Variants in CHD8 observed in about 807,000 individuals in gnomAD.
The protein encoded by CHD8 is ATP-dependent chromatin remodeler CHD8.
Under a neutral mutation model 279.2 loss-of-function variants are expected in CHD8, and 31 were observed. The observed-to-expected ratio is 0.11, with a 90% confidence interval of 0.08 to 0.15. The LOEUF (loss-of-function observed/expected upper bound fraction) is 0.15, where lower values mean the gene tolerates loss of function less well. CHD8 is among the 10% of genes least tolerant of loss of function. CHD8 has a pLI of 1.00. For missense variants in CHD8, 2,146 were observed against 3,230.5 expected, an observed-to-expected ratio of 0.66 and a Z score of 8.14; for synonymous variants, 1,081 against 1,139.6, an observed-to-expected ratio of 0.95 and a Z score of 1.04.
intron 26 of CHD8, chr14:21,398,575 A>T (rs1422212103): frequency 6.6e-6 from 1 of 152,418 alleles, no homozygotes; most frequent in Non-Finnish European, 1.5e-5. Context: ...AAAAAGATGT[A>T]GATTAAGTGC....
intron 5 of CHD8, among the ~76,000 whole-genome samples, chr14:21,424,045 C>T (rs1006231058): frequency 1.3e-5 from 2 of 152,044 alleles, no homozygotes; most frequent in Non-Finnish European, 2.9e-5. Context: ...ATCAAGTGTA[C>T]CAATATTTTC....
chr14:21,414,530 G>A, intron 8 of CHD8, 112 bp from the exon 9 acceptor site: 1 of 641,548 alleles, frequency 1.6e-6, no homozygotes. Context: ...GGCTTAAATT[G>A]GGAGACAGTC....
chr14:21,397,402 C>A (rs761416585), intron 27 of CHD8: 2 of 516,092 alleles, frequency 3.9e-6, no homozygotes, highest in Non-Finnish European at 7.8e-6. Flanking sequence ...ATCATTGGGA[C>A]ATGTTTTCAG....
At position 21,397,854 on chromosome 14, in the gene CHD8, C is replaced by T; in HGVS notation, c.5020G>A (p.Val1674Met). The change falls in exon 27 of 38, where the codon GTG (valine) becomes ATG (methionine). Residue 1674 changes from valine to methionine, a missense_variant. Physicochemically the swap from Val to Met is conservative, Grantham distance 21. Transcript: ENST00000646647. ...ACTATGTCAGAGAAGTTATCCAACA[C>T]TCGATGTTCTGCTGCAATTGCTTTG... is the stretch of plus-strand genomic sequence containing the variant. The part of the protein sequence containing the change: ...DDKAIAAEHR[V>M]LDNFSDIVEG... 2.5e-6 allele frequency: 4 copies of T among 1,613,630 alleles called. No homozygotes were observed. The highest frequency in any genetic ancestry group is 3.4e-6 in the Non-Finnish European group (4 of 1,179,724).
chr14:21,406,739 A>T, intron 14 of CHD8, 117 bp downstream of exon 14: 1 of 862,562 alleles, frequency 1.2e-6, no homozygotes, highest in East Asian at 2.7e-5. Context: ...GGTCATCCCC[A>T]CTGTTCAATA....
At chr14:21,445,688 CAA>C (rs747923350) in intron 1 of CHD8, among the ~76,000 whole-genome samples, 2 of 17,256 alleles carry the variant, frequency 1.2e-4, no homozygotes, top group African/African-American at 1.9e-4. Context: ...GATTCGGTCT[CAA>C]AAAAAAAAAA....
intron 37 of CHD8, among the ~76,000 whole-genome samples, chr14:21,389,779 A>G (rs1404035887): frequency 6.6e-6 from 1 of 152,226 alleles, no homozygotes; most frequent in Non-Finnish European, 1.5e-5. Context: ...TTGAAAATAT[A>G]GAATAACTTA....
At chr14:21,392,984 A>AAC in intron 33 of CHD8, 122 bp downstream of exon 33, 2 of 1,262,698 alleles carry the variant, frequency 1.6e-6, no homozygotes, top group Non-Finnish European at 2.2e-6. Context: ...GAAAAAAAAA[A>AAC]AAAAACTTGC....
intron 5 of CHD8, among the ~76,000 whole-genome samples, chr14:21,416,911 G>A (rs936110030): frequency 3.3e-5 from 5 of 152,074 alleles, no homozygotes; most frequent in Non-Finnish European, 7.4e-5. Context: ...TTTGAGACCA[G>A]CCTGGTCAAC....
chr14:21,437,189 T>G, intron 1 of CHD8: 13 of 1,179,670 alleles, frequency 1.1e-5, no homozygotes, highest in Non-Finnish European at 1.3e-5. Context: ...GAGAGGTGGC[T>G]TTACCTGCAG....
intron 1 of CHD8, among the ~76,000 whole-genome samples, chr14:21,447,617 T>C (rs910440943): frequency 3.3e-5 from 5 of 151,978 alleles, no homozygotes; most frequent in African/African-American, 1.2e-4. Flanking sequence ...GGTGATCAAC[T>C]CGCCTCAGCC....
intron 10 of CHD8, among the ~76,000 whole-genome samples, chr14:21,411,894 T>C (rs1170495916): frequency 6.6e-6 from 1 of 151,918 alleles, no homozygotes; most frequent in Non-Finnish European, 1.5e-5. Flanking sequence ...TGAAACCCTG[T>C]CTGTACTAGA....
At position 21,408,383 on chromosome 14, in the gene CHD8, T is replaced by C; in HGVS notation, c.2659A>G (p.Ile887Val). ...CTGGCCAGACTGCCATGGTACACAA[T>C]AGTGTTCATTTCTGTCCATGTATTA... ...EFNTWTEMNT[I>V]VYHGSLASRQ... Residue 887 changes from isoleucine to valine, a missense_variant, in exon 13 of 38, where the codon ATT (isoleucine) becomes GTT (valine). Ile to Val is a conservative substitution (Grantham distance 29, BLOSUM62 3). This residue lies in a region of CHD8 where 211 missense variants were observed against 464.7 expected (regional missense o/e 0.45). Transcript: ENST00000646647. The surrounding 1 kb of genome is among the most constrained non-coding windows in gnomAD (Gnocchi z 4.3). The C allele has an allele frequency of 6.2e-7, 1 of 1,613,962 alleles. No individual in the cohort carries two copies. Among genetic ancestry groups the C allele is most frequent in the Non-Finnish European group, 8.5e-7 (1 of 1,179,870 alleles).
At chr14:21,416,960 C>G (rs1274975451) in intron 5 of CHD8, among the ~76,000 whole-genome samples, 3 of 152,016 alleles carry the variant, frequency 2.0e-5, no homozygotes, top group Non-Finnish European at 4.4e-5. Context: ...ATTAGCCGGG[C>G]CTGGTGGCGG....
chr14:21,431,151 G>A lies in CHD8; in HGVS notation c.493C>T (p.Pro165Ser), dbSNP rs1011766590. The A allele has an allele frequency of 3.1e-6, 5 of 1,598,954 alleles. No individual in the cohort carries two copies. Among genetic ancestry groups the A allele is most frequent in the Non-Finnish European group, 4.2e-6 (5 of 1,179,614 alleles). ...SAPKIVILKA[P>S]PSSSVTGAHV... Reference sequence around the variant, plus strand: ...GCACCAGTGACTGAGGAGCTTGGTGGGGCCTTAAGGATAACAATCTTAGGG... The same window carrying A: ...GCACCAGTGACTGAGGAGCTTGGTGAGGCCTTAAGGATAACAATCTTAGGG... Residue 165 changes from proline (P) to serine (S), a missense_variant, in exon 2 of 38, where the codon CCA becomes TCA. This residue lies in a region of CHD8 where 302 missense variants were observed against 325.5 expected (regional missense o/e 0.93). Transcript: ENST00000646647.
chr14:21,452,958 G>C (rs575510849), intron 1 of CHD8, among the ~76,000 whole-genome samples: 1 of 151,186 alleles, frequency 6.6e-6, no homozygotes, highest in East Asian at 1.9e-4. Flanking sequence ...ATTCCTGCCT[G>C]GGTGACACAG....
chr14:21,414,100 T>C, intron 9 of CHD8: 1 of 527,060 alleles, frequency 1.9e-6, no homozygotes, highest in Non-Finnish European at 3.4e-6. Flanking sequence ...AAATATCCTA[T>C]AACTAATAAA....
chr14:21,438,560 C>T (rs1051920180), intron 1 of CHD8, among the ~76,000 whole-genome samples: 3 of 149,622 alleles, frequency 2.0e-5, no homozygotes, highest in African/African-American at 4.9e-5. Context: ...AGATGCCGGG[C>T]GCAGTGGCTC....
chr14:21,445,749 C>T (rs968724728), intron 1 of CHD8, among the ~76,000 whole-genome samples: 1 of 141,128 alleles, frequency 7.1e-6, no homozygotes, highest in African/African-American at 2.6e-5. Context: ...CACCTGTAAT[C>T]TCAGCACTTT....
Sources: gnomAD v4.1 joint callset for allele counts (sites outside exome capture counted in the v4.1 genomes callset) on GRCh38, gnomAD v4.1.1 for gene constraint, gnomAD v4.1.1 regional missense constraint, Gnocchi (gnomAD v3.1) non-coding constraint, MANE v1.5 for transcripts, NCBI Gene and HGNC (gene_info 2026-07-23, HGNC 2026-07-21) for gene names.